PLCL2: variants seen among roughly 807,000 people sequenced by gnomAD.
PLCL2 encodes phospholipase C like 2.
Under a neutral mutation model 79.6 loss-of-function variants are expected in PLCL2, and 4 were observed. The observed-to-expected ratio is 0.05, with a 90% CI of 0.02 to 0.11. PLCL2 has a LOEUF of 0.11. Among genes scored for constraint, PLCL2 ranks in the 10% least tolerant of loss-of-function variants. PLCL2 has a pLI of 1.00. For missense variants in PLCL2, 895 were observed against 1,291.0 expected, an observed-to-expected ratio of 0.69 and a Z score of 4.70; for synonymous variants, 484 against 457.7, an observed-to-expected ratio of 1.06 and a Z score of -0.73.
Position 17,014,793 on chromosome 3 carries a change from T to G in PLCL2, c.2900T>G (p.Phe967Cys), listed in dbSNP as rs1308240062. 1 of 1,613,976 alleles carries G rather than the reference T, an allele frequency of 6.2e-7. No individual in the cohort carries two copies. Among genetic ancestry groups the G allele is most frequent in the African/African-American group, 1.3e-5 (1 of 74,922 alleles). Residue 967 changes from phenylalanine to cysteine, a missense_variant, in exon 3 of 6, where the codon TTT becomes TGT. Coordinates refer to ENST00000615277, the MANE Select transcript of PLCL2 (RefSeq NM_001144382.2). Reference sequence around the variant, plus strand: ...TGCATGTTGGCGGTGTCTCCCCGCTTTCTGGGGCCCGATAACACACCCCTA... The same window carrying G: ...TGCATGTTGGCGGTGTCTCCCCGCTGTCTGGGGCCCGATAACACACCCCTA... ...MQCMLAVSPR[F>C]LGPDNTPLVV...
At position 17,003,901 on chromosome 3, in the gene PLCL2, A is replaced by C. The variant is rs79232960; in HGVS notation, c.328-5773A>C. On this transcript the variant is annotated intron_variant, in intron 1 of 5. Coordinates refer to ENST00000615277, the MANE Select transcript of PLCL2 (RefSeq NM_001144382.2). ...CCCCCAGTTTTTCTCAGGAGCACCC[A>C]TGGAGAAGATTTACAAATGAGTGCA... Among the ~76,000 whole-genome samples the C allele has an allele frequency of 2.0e-3, 311 of 152,232 alleles. 6 individuals are homozygous for C. In the East Asian group the frequency reaches 0.052, roughly 25 times the overall value.
chr3:16,971,600 C>G (rs2063869169), intron 1 of PLCL2, among the ~76,000 whole-genome samples: 1 of 152,116 alleles, frequency 6.6e-6, no homozygotes, highest in Admixed American at 6.5e-5. Context: ...TCATTGGTAG[C>G]TTGAAGGGGA....
At chr3:16,984,659 G>A (rs1438730326) in intron 1 of PLCL2, among the ~76,000 whole-genome samples, 1 of 152,154 alleles carries the variant, frequency 6.6e-6, no homozygotes, top group Non-Finnish European at 1.5e-5. Flanking sequence ...CTGGCCAGGT[G>A]CGCTGGCTCA....
rs763648649 is a variant in PLCL2 at position 17,010,936 on chromosome 3, A to G, written c.1590A>G (p.Val530=). The change falls in exon 2 of 6, where the codon GTA becomes GTG. Residue 530 remains valine (V), a synonymous_variant. Transcript: ENST00000615277. This position sits in a 1 kb window ranked among gnomAD's most constrained non-coding sequence, Gnocchi z 5.8. ...ACTGTTCCATTAAACAACAGAAGGT[A>G]ATGGTTCAGCACATGAAGAAACTTT... ...ENHCSIKQQK[V]MVQHMKKLLG... 3 of 1,614,170 alleles carry G rather than the reference A, an allele frequency of 1.9e-6. No individual in the cohort carries two copies. The Admixed American group carries it at 5.0e-5, about 27-fold the overall frequency.
intron 1 of PLCL2, among the ~76,000 whole-genome samples, chr3:17,005,908 A>C (rs192429702): frequency 6.6e-6 from 1 of 152,292 alleles, no homozygotes; most frequent in Admixed American, 6.5e-5. Flanking sequence ...CACCACTCAG[A>C]AGCTTTGGGT....
At chr3:16,990,760 A>G (rs964519351) in intron 1 of PLCL2, among the ~76,000 whole-genome samples, 1 of 152,228 alleles carries the variant, frequency 6.6e-6, no homozygotes, top group Admixed American at 6.5e-5. Context: ...GGAGAGGTTT[A>G]TTGACTTCCC....
chr3:16,911,187 A>G (rs1225507200), intron 1 of PLCL2, among the ~76,000 whole-genome samples: 2 of 142,434 alleles, frequency 1.4e-5, no homozygotes, highest in South Asian at 2.3e-4. Context: ...CGGGGGGCGG[A>G]GGTTGTAGTG....
At chr3:16,995,544 A>G (rs925862291) in intron 1 of PLCL2, among the ~76,000 whole-genome samples, 1 of 152,010 alleles carries the variant, frequency 6.6e-6, no homozygotes, top group Non-Finnish European at 1.5e-5. Context: ...TCTCTTTACT[A>G]CCCCAAATCC....
chr3:17,053,490 C>T lies in PLCL2; in HGVS notation c.3094+10541C>T, dbSNP rs1481258812. 3.9e-5 allele frequency among the ~76,000 whole-genome samples: 6 copies of T among 152,172 alleles called. No individual in the cohort carries two copies. The East Asian group carries it at 1.2e-3, about 29-fold the overall frequency. On this transcript the variant is annotated intron_variant, in intron 4 of 5. Coordinates refer to ENST00000615277, the MANE Select transcript of PLCL2 (RefSeq NM_001144382.2). Reference sequence around the variant, plus strand: ...TTTGGGTGGAGACACAGATTCAAACCATTTATTCTGCCCTGGCCCCTCCCA... The same window carrying T: ...TTTGGGTGGAGACACAGATTCAAACTATTTATTCTGCCCTGGCCCCTCCCA...
At chr3:17,029,951 G>T (rs746686754) in intron 3 of PLCL2, among the ~76,000 whole-genome samples, 1 of 152,100 alleles carries the variant, frequency 6.6e-6, no homozygotes, top group Admixed American at 6.6e-5. Context: ...TAAGAACAGT[G>T]GTATATTCAC....
At chr3:16,901,415 C>T (rs1696615985) in intron 1 of PLCL2, among the ~76,000 whole-genome samples, 1 of 152,206 alleles carries the variant, frequency 6.6e-6, no homozygotes, top group East Asian at 1.9e-4. Context: ...CTCCATAGTC[C>T]AAGTCTGCAT....
chr3:17,028,286 C>T (rs927298004), intron 3 of PLCL2, among the ~76,000 whole-genome samples: 1 of 152,084 alleles, frequency 6.6e-6, no homozygotes, highest in African/African-American at 2.4e-5. Flanking sequence ...TAACCACACT[C>T]AGTTTAAAGG....
chr3:16,956,862 G>A (rs981713049), intron 1 of PLCL2, among the ~76,000 whole-genome samples: 1 of 152,134 alleles, frequency 6.6e-6, no homozygotes, highest in African/African-American at 2.4e-5. Context: ...ATTTCTGTGG[G>A]ATCAGTGGTG....
chr3:16,980,502 G>A (rs1483385880), intron 1 of PLCL2, among the ~76,000 whole-genome samples: 16 of 150,074 alleles, frequency 1.1e-4, no homozygotes, highest in Admixed American at 2.6e-4. Flanking sequence ...CGGACGGGGC[G>A]GCAGGGCAGA....
Position 17,010,849 on chromosome 3 carries a change from T to C in PLCL2, c.1503T>C (p.Asp501=), listed in dbSNP as rs2064313474. The C allele has an allele frequency of 6.2e-7, 1 of 1,614,030 alleles. No individual in the cohort carries two copies. Among genetic ancestry groups the C allele is most frequent in the South Asian group, 1.1e-5 (1 of 91,090 alleles). The part of the protein sequence containing the change: ...TSQIVFRSVI[D]IINKYAFFAS... ...AGATAGTTTTCCGCAGTGTCATTGA[T>C]ATTATTAACAAGTATGCATTCTTTG... The change falls in exon 2 of 6, where the codon GAT becomes GAC. Residue 501 remains aspartate (D), a synonymous_variant. Coordinates refer to ENST00000615277, the MANE Select transcript of PLCL2 (RefSeq NM_001144382.2). This position sits in a 1 kb window ranked among gnomAD's most constrained non-coding sequence, Gnocchi z 5.8.
chr3:16,982,722 C>A (rs2064012303), intron 1 of PLCL2, among the ~76,000 whole-genome samples: 1 of 152,104 alleles, frequency 6.6e-6, no homozygotes, highest in Non-Finnish European at 1.5e-5. Context: ...GCGTCATAGC[C>A]AAATTTTCTT....
chr3:16,992,288 A>C (rs552790400), intron 1 of PLCL2, among the ~76,000 whole-genome samples: 15 of 152,158 alleles, frequency 9.9e-5, no homozygotes, highest in Admixed American at 9.8e-4. Context: ...CAGCCCAGCC[A>C]TCAGTGCCTT....
chr3:17,009,831 A>G lies in PLCL2; in HGVS notation c.485A>G (p.Tyr162Cys), dbSNP rs1282105808. The change falls in exon 2 of 6, where the codon TAC becomes TGC. Residue 162 changes from tyrosine (Y) to cysteine (C), a missense_variant. Around this residue, in one of 6 missense-constraint regions of PLCL2, gnomAD observed 129 missense variants for 208.8 expected, o/e 0.62. Coordinates refer to ENST00000615277, the MANE Select transcript of PLCL2 (RefSeq NM_001144382.2). This position sits in a 1 kb window ranked among gnomAD's most constrained non-coding sequence, Gnocchi z 4.0. Reference protein sequence around the residue: ...VRSNSRIYHRYFLLDADMQSL... With the variant: ...VRSNSRIYHRCFLLDADMQSL... Reference sequence around the variant, plus strand: ...TCCAACTCTAGAATTTATCATAGGTACTTTTTACTGGATGCTGACATGCAG... The same window carrying G: ...TCCAACTCTAGAATTTATCATAGGTGCTTTTTACTGGATGCTGACATGCAG... 2 of 1,613,832 alleles carry G rather than the reference A, an allele frequency of 1.2e-6. No individual in the cohort carries two copies. The highest frequency in any genetic ancestry group is 1.7e-6 in the Non-Finnish European group (2 of 1,179,758).
At chr3:17,071,582 C>T (rs2124945923) in intron 5 of PLCL2, among the ~76,000 whole-genome samples, 1 of 152,174 alleles carries the variant, frequency 6.6e-6, no homozygotes, top group African/African-American at 2.4e-5. Flanking sequence ...TTCCAGGAAC[C>T]TTTCTATATG....
Sources: gnomAD v4.1 joint callset for allele counts (sites outside exome capture counted in the v4.1 genomes callset) on GRCh38, gnomAD v4.1.1 for gene constraint, gnomAD v4.1.1 regional missense constraint, Gnocchi (gnomAD v3.1) non-coding constraint, MANE v1.5 for transcripts, NCBI Gene and HGNC (gene_info 2026-07-23, HGNC 2026-07-21) for gene names.